The following LRRK2 variants were observed in gnomAD, a reference collection of about 807,000 sequenced individuals.
LRRK2 encodes leucine-rich repeat serine/threonine-protein kinase 2.
In LRRK2, 203 loss-of-function variants were observed where a neutral mutation model predicts 302.6. That is an observed-to-expected ratio of 0.67 (90% confidence interval 0.60 to 0.75). LRRK2 has a LOEUF of 0.75. Among genes scored for constraint, LRRK2 ranks in the 30% least tolerant of loss-of-function variants. LRRK2 has a pLI of 0.00. For synonymous variants in LRRK2, 1,066 were observed against 1,031.9 expected, an observed-to-expected ratio of 1.03 and a Z score of -0.63; for missense variants, 2,830 against 2,951.0, an observed-to-expected ratio of 0.96 and a Z score of 0.95.
chr12:40,228,553 C>T (rs1941023706), intron 2 of LRRK2, among the ~76,000 whole-genome samples: 1 of 142,828 alleles, frequency 7.0e-6, no homozygotes, highest in Non-Finnish European at 1.5e-5. Flanking sequence ...TATGTTGTCT[C>T]TTCACTTTGT....
At chr12:40,309,615 C>T (rs1341754345) in intron 30 of LRRK2, among the ~76,000 whole-genome samples, 2 of 151,868 alleles carry the variant, frequency 1.3e-5, no homozygotes, top group African/African-American at 4.8e-5. Context: ...TACTCAGGGG[C>T]CATTTAGTGT....
At chr12:40,259,430 C>G in intron 12 of LRRK2, 50 bp from the exon 13 acceptor site, 1 of 1,608,768 alleles carries the variant, frequency 6.2e-7, no homozygotes, top group Admixed American at 1.7e-5. Flanking sequence ...GTGTTTATAC[C>G]ATTGAATCAG....
rs144602232 is a variant in LRRK2 at position 40,357,037 on chromosome 12, A to T, written c.6843+850A>T. ...CATTAGAACTTATTCCTCCTATCTAACTGTATGTTTGTACCCGTTAACCAG... is the reference window on the plus strand; with the variant it reads ...CATTAGAACTTATTCCTCCTATCTATCTGTATGTTTGTACCCGTTAACCAG... On this transcript the variant is annotated intron_variant, in intron 46 of 50. Coordinates refer to ENST00000298910, the MANE Select transcript of LRRK2 (RefSeq NM_198578.4). Among the ~76,000 whole-genome samples the T allele has an allele frequency of 4.6e-4, 70 of 152,054 alleles. No individual in the cohort carries two copies. The East Asian group carries it at 0.011, about 24-fold the overall frequency.
At chr12:40,295,084 A>G (rs1289737488) in intron 22 of LRRK2, among the ~76,000 whole-genome samples, 170 bp downstream of exon 22, 3 of 152,138 alleles carry the variant, frequency 2.0e-5, no homozygotes, top group Admixed American at 1.3e-4. Flanking sequence ...AATGAAACAT[A>G]CATTTAAAAA....
At chr12:40,309,361 G>T (rs910967396) in intron 30 of LRRK2, 128 bp downstream of exon 30, 2 of 1,233,288 alleles carry the variant, frequency 1.6e-6, no homozygotes, top group African/African-American at 3.1e-5. Flanking sequence ...TTTCTTAAAA[G>T]AAGCACTAAA....
In LRRK2 at chr12:40,301,711, C is replaced by T. The variant is rs566149708; in HGVS notation, c.3497-1078C>T. Among the ~76,000 whole-genome samples the T allele has an allele frequency of 3.2e-4, 49 of 152,246 alleles. No individual in the cohort carries two copies. The Middle Eastern group carries it at 0.01, about 32-fold the overall frequency. ...AATGCTAATAACTAATTCCTCAATC[C>T]GTTTTCCTAGAAACGGTAGATTTGT... On this transcript the variant is annotated intron_variant, in intron 25 of 50. Transcript: ENST00000298910.
intron 41 of LRRK2, among the ~76,000 whole-genome samples, chr12:40,343,167 G>A (rs1041207796): frequency 9.2e-5 from 14 of 152,290 alleles, no homozygotes; most frequent in Admixed American, 1.3e-4. Flanking sequence ...TTATTGACAG[G>A]GACCATGGTG....
chr12:40,315,375 A>G (rs1396619947), intron 33 of LRRK2, 75 bp downstream of exon 33: 4 of 1,267,660 alleles, frequency 3.2e-6, no homozygotes, highest in South Asian at 2.4e-5. Flanking sequence ...AGCATTGAGC[A>G]TTTTAGAATT....
At chr12:40,298,626 G>A in intron 24 of LRRK2, 133 bp downstream of exon 24, 3 of 1,172,280 alleles carry the variant, frequency 2.6e-6, no homozygotes, top group Non-Finnish European at 3.7e-6. Flanking sequence ...ACAAAAATTA[G>A]CCCAGCGTGG....
At chr12:40,293,841 G>T (rs1163937577) in intron 21 of LRRK2, among the ~76,000 whole-genome samples, 178 bp downstream of exon 21, 3 of 150,020 alleles carry the variant, frequency 2.0e-5, no homozygotes, top group Non-Finnish European at 4.4e-5. Flanking sequence ...TGTAAATTAT[G>T]CTCAATTCAC....
Position 40,302,825 on chromosome 12 carries a change from T to C in LRRK2, c.3533T>C (p.Leu1178Pro). Residue 1178 changes from leucine to proline, a missense_variant, in exon 26 of 51, where the codon CTA (leucine) becomes CCA (proline). Transcript: ENST00000298910. Reference sequence around the variant, plus strand: ...TTCTTGCCTCCTTCTATGACAATCCTAAAATTATCTCAGAACAAATTTTCC... The same window carrying C: ...TTCTTGCCTCCTTCTATGACAATCCCAAAATTATCTCAGAACAAATTTTCC... ...MPFLPPSMTILKLSQNKFSCI... is the reference protein window; with the variant it reads ...MPFLPPSMTIPKLSQNKFSCI... The C allele has an allele frequency of 6.2e-7, 1 of 1,611,334 alleles. No homozygotes were observed. The highest frequency in any genetic ancestry group is 8.5e-7 in the Non-Finnish European group (1 of 1,177,890).
intron 40 of LRRK2, among the ~76,000 whole-genome samples, chr12:40,337,786 C>T (rs1025822469): frequency 2.0e-5 from 3 of 152,190 alleles, no homozygotes; most frequent in African/African-American, 4.8e-5. Context: ...TTTCTGTATG[C>T]CTCTTGCTTC....
intron 33 of LRRK2, among the ~76,000 whole-genome samples, chr12:40,317,589 A>G (rs1945265189): frequency 6.6e-6 from 1 of 152,124 alleles, no homozygotes; most frequent in Admixed American, 6.6e-5. Flanking sequence ...ATTTAACTGT[A>G]TGATAAAAGA....
At chr12:40,314,578 G>C (rs911793486) in intron 32 of LRRK2, among the ~76,000 whole-genome samples, 7 of 152,036 alleles carry the variant, frequency 4.6e-5, no homozygotes, top group Admixed American at 4.6e-4. Flanking sequence ...TAACTGGGAC[G>C]CTTGGAGAGT....
chr12:40,257,031 C>T (rs1196402270), intron 11 of LRRK2, among the ~76,000 whole-genome samples: 2 of 152,134 alleles, frequency 1.3e-5, no homozygotes, highest in East Asian at 1.9e-4. Flanking sequence ...AAACCAAAAT[C>T]CCAACAAAGG....
intron 40 of LRRK2, among the ~76,000 whole-genome samples, chr12:40,338,056 G>T (rs1401810651): frequency 1.3e-5 from 2 of 152,214 alleles, no homozygotes; most frequent in Non-Finnish European, 2.9e-5. Context: ...ATTGACTTAG[G>T]TGCTAAAGAG....
chr12:40,346,315 A>G (rs1946190126), intron 41 of LRRK2, among the ~76,000 whole-genome samples: 1 of 152,094 alleles, frequency 6.6e-6, no homozygotes, highest in South Asian at 2.1e-4. Flanking sequence ...AGTTGGAGTG[A>G]AGTTTAGAAA....
intron 49 of LRRK2, chr12:40,366,138 C>T (rs1325403783): frequency 6.6e-6 from 1 of 151,938 alleles, no homozygotes; most frequent in Non-Finnish European, 1.5e-5. Flanking sequence ...TCTCCTGCCT[C>T]CATCATCTAC....
rs1339081989 is a variant in LRRK2 at position 40,252,997 on chromosome 12, A to G, written c.1269A>G (p.Ser423=). The G allele has an allele frequency of 1.2e-6, 2 of 1,611,768 alleles. No individual in the cohort carries two copies. The highest frequency in any genetic ancestry group is 2.2e-5 in the East Asian group (1 of 44,766). ...EVFQASANAL[S]TLLEQNVNFR... is the part of the protein sequence containing the mutation. ...TCCAGGCATCTGCGAATGCATTGTC[A>G]ACTCTCTTAGAACAAAATGGTAAGC... Residue 423 remains serine, a synonymous_variant, in exon 11 of 51, where the codon TCA becomes TCG. Coordinates refer to ENST00000298910, the MANE Select transcript of LRRK2 (RefSeq NM_198578.4).
Sources: allele counts gnomAD v4.1 joint callset (sites outside exome capture counted in the v4.1 genomes callset), GRCh38; gene constraint gnomAD v4.1.1; transcripts MANE v1.5; gene names NCBI Gene and HGNC (gene_info 2026-07-23, HGNC 2026-07-21).